Variants in PDE1C observed in about 807,000 individuals in gnomAD.
The protein encoded by PDE1C is dual specificity calcium/calmodulin-dependent 3',5'-cyclic nucleotide phosphodiesterase 1C.
A neutral mutation model predicts 93.1 loss-of-function variants in PDE1C; 62 were observed. The ratio of observed to expected loss-of-function variants is 0.67; its 90% CI spans 0.54 to 0.82. PDE1C has a LOEUF of 0.82. Ranked by LOEUF, PDE1C falls within the 40% of genes least tolerant of loss-of-function variation. The pLI, the probability that PDE1C is intolerant of heterozygous loss-of-function variation, is 0.00. For synonymous variants in PDE1C, 325 were observed against 310.1 expected (o/e 1.05, Z -0.50); for missense variants, 742 against 884.6 (o/e 0.84, Z 2.04).
intron 1 of PDE1C, among the ~76,000 whole-genome samples, chr7:32,387,783 C>T (rs866039276): frequency 9.4e-5 from 12 of 127,708 alleles, no homozygotes; most frequent in African/African-American, 1.9e-4. Context: ...ACCTCCCGGA[C>T]GGGGCGGCTG....
intron 6 of PDE1C, among the ~76,000 whole-genome samples, chr7:31,871,367 T>G (rs1309972073): frequency 6.6e-6 from 1 of 151,838 alleles, no homozygotes; most frequent in Non-Finnish European, 1.5e-5. Flanking sequence ...AATAGACAAA[T>G]GGGACTATAT....
chr7:31,689,969 T>TA, the PDE1C span, among the ~76,000 whole-genome samples: 1 of 152,188 alleles, frequency 6.6e-6, no homozygotes, highest in African/African-American at 2.4e-5. Flanking sequence ...GTTTCTCCCA[T>TA]AGACAAGATG....
At chr7:32,025,061 G>A (rs555623033) in intron 2 of PDE1C, among the ~76,000 whole-genome samples, 131 of 152,176 alleles carry the variant, frequency 8.6e-4, no homozygotes, top group South Asian at 6.8e-3. Context: ...ACTGACAGAA[G>A]AGGCAAATTT....
At chr7:32,313,581 G>T (rs373887754) in intron 1 of PDE1C, among the ~76,000 whole-genome samples, 1 of 151,950 alleles carries the variant, frequency 6.6e-6, no homozygotes, top group Admixed American at 6.6e-5. Flanking sequence ...CCATAAAAAA[G>T]GATGAGTTCA....
At chr7:32,173,629 A>G (rs1259266806) in intron 2 of PDE1C, among the ~76,000 whole-genome samples, 1 of 152,180 alleles carries the variant, frequency 6.6e-6, no homozygotes, top group Non-Finnish European at 1.5e-5. Flanking sequence ...CTTATGGGGC[A>G]TGAGGGATGG....
chr7:32,087,378 T>C (rs926180482), intron 3 of PDE1C, among the ~76,000 whole-genome samples: 50 of 152,024 alleles, frequency 3.3e-4, no homozygotes, highest in African/African-American at 9.4e-4. Context: ...TGTGGAGAAA[T>C]AGGAACACTT....
intron 3 of PDE1C, among the ~76,000 whole-genome samples, chr7:32,120,136 G>A (rs898295485): frequency 5.3e-5 from 8 of 152,184 alleles, no homozygotes; most frequent in South Asian, 2.1e-4. Context: ...CGGCCAGAGC[G>A]CCTCTTCAGG....
chr7:32,300,492 G>A (rs546092992), upstream of PDE1C, among the ~76,000 whole-genome samples: 1 of 152,290 alleles, frequency 6.6e-6, no homozygotes, highest in African/African-American at 2.4e-5. Context: ...ACAACCTGGA[G>A]GCATGAAAAT....
At chr7:32,395,474 G>T (rs944109480) in intron 1 of PDE1C, among the ~76,000 whole-genome samples, 1 of 152,314 alleles carries the variant, frequency 6.6e-6, no homozygotes, top group African/African-American at 2.4e-5. Context: ...CATATTGCTA[G>T]GATAGAAGGT....
chr7:32,141,579 G>A (rs1800531629), intron 3 of PDE1C, among the ~76,000 whole-genome samples: 1 of 152,162 alleles, frequency 6.6e-6, no homozygotes, highest in Non-Finnish European at 1.5e-5. Context: ...CAAACAGAGA[G>A]ATGATATTTG....
chr7:32,083,378 G>T (rs1193361754), intron 3 of PDE1C, among the ~76,000 whole-genome samples: 1 of 152,046 alleles, frequency 6.6e-6, no homozygotes, highest in South Asian at 2.1e-4. Context: ...CGTCTGATTG[G>T]TGTACCTGAA....
intron 2 of PDE1C, among the ~76,000 whole-genome samples, chr7:32,208,159 T>C (rs1003316891): frequency 6.6e-6 from 1 of 152,220 alleles, no homozygotes; most frequent in Admixed American, 6.5e-5. Context: ...TCGTACATTA[T>C]TACAGTTCTA....
chr7:31,715,941 A>T, the PDE1C span, among the ~76,000 whole-genome samples: 1 of 152,190 alleles, frequency 6.6e-6, no homozygotes, highest in Non-Finnish European at 1.5e-5. Context: ...ACTTGTGCAT[A>T]GGTCTTAGAA....
the PDE1C span, chr7:31,687,085 A>G: frequency 1.3e-5 from 2 of 152,184 alleles, no homozygotes; most frequent in Non-Finnish European, 2.9e-5. Context: ...TGCCGTGGAG[A>G]GCAGCGATGG....
intron 2 of PDE1C, among the ~76,000 whole-genome samples, chr7:32,002,342 C>T (rs969353422): frequency 1.3e-5 from 2 of 152,124 alleles, no homozygotes; most frequent in Non-Finnish European, 2.9e-5. Flanking sequence ...GCTACCCAGC[C>T]AAAGCAGGAG....
chr7:32,002,277 A>G (rs181090929), intron 2 of PDE1C, among the ~76,000 whole-genome samples: 39 of 152,242 alleles, frequency 2.6e-4, no homozygotes, highest in African/African-American at 9.2e-4. Flanking sequence ...TGAAGCGAGT[A>G]AAAAAAAGAA....
At chr7:32,357,667 C>G (rs1337704846) in intron 1 of PDE1C, among the ~76,000 whole-genome samples, 1 of 152,208 alleles carries the variant, frequency 6.6e-6, no homozygotes, top group African/African-American at 2.4e-5. Context: ...AGCCCCCGTT[C>G]TGTTTCCCTA....
chr7:31,755,576 AAAAAC>A (rs949162620), intron 17 of PDE1C, among the ~76,000 whole-genome samples: 1 of 151,888 alleles, frequency 6.6e-6, no homozygotes, highest in Non-Finnish European at 1.5e-5. Context: ...AGTGTTCAAA[AAAAAC>A]AAAACAAAAC....
chr7:31,622,895 T>G, the PDE1C span, among the ~76,000 whole-genome samples: 1 of 151,916 alleles, frequency 6.6e-6, no homozygotes, highest in South Asian at 2.1e-4. Flanking sequence ...AAGACTCAAA[T>G]AGACACAATA....
Sources: allele counts gnomAD v4.1 joint callset (sites outside exome capture counted in the v4.1 genomes callset), GRCh38; gene constraint gnomAD v4.1.1; transcripts MANE v1.5; gene names NCBI Gene and HGNC (gene_info 2026-07-23, HGNC 2026-07-21).